The following GTF3C5 variants were observed in gnomAD, a reference collection of about 807,000 sequenced individuals.
GTF3C5 encodes the protein general transcription factor IIIC subunit 5.
Under a neutral mutation model 61.0 loss-of-function variants are expected in GTF3C5, and 47 were observed. The observed-to-expected ratio is 0.77, with a 90% confidence interval of 0.61 to 0.98. GTF3C5 has a LOEUF of 0.98. Ranked by LOEUF, GTF3C5 falls within the 50% of genes least tolerant of loss-of-function variation. The probability of loss-of-function intolerance (pLI) is 0.00; values close to 1 mark genes in which losing one functional copy is unlikely to be tolerated. For synonymous variants in GTF3C5, 295 were observed against 275.4 expected (o/e 1.07, Z -0.71); for missense variants, 659 against 703.3 (o/e 0.94, Z 0.71).
At chr9:133,044,667 C>T (rs186446428) in intron 3 of GTF3C5, among the ~76,000 whole-genome samples, 15 of 152,268 alleles carry the variant, frequency 9.9e-5, no homozygotes, top group Admixed American at 8.5e-4. Flanking sequence ...GGCTGGAGGT[C>T]GCTTCAGAGA....
chr9:133,049,172 G>C (rs1011539607), intron 3 of GTF3C5, among the ~76,000 whole-genome samples: 1 of 152,188 alleles, frequency 6.6e-6, no homozygotes, highest in African/African-American at 2.4e-5. Flanking sequence ...TAGAATCATG[G>C]TGACACAGAC....
intron 2 of GTF3C5, 47 bp from the exon 3 acceptor site, chr9:133,043,681 C>T: frequency 1.4e-6 from 2 of 1,475,978 alleles, no homozygotes; most frequent in Non-Finnish European, 1.9e-6. Context: ...GTGGCAGCTG[C>T]CCATTCCTGG....
At chr9:133,056,452 G>A (rs959898766) in intron 9 of GTF3C5, among the ~76,000 whole-genome samples, 7 of 152,210 alleles carry the variant, frequency 4.6e-5, no homozygotes, top group African/African-American at 1.7e-4. Flanking sequence ...CAGGGAAAGG[G>A]CACTCACTGG....
At chr9:133,051,966 A>G (rs966091197) in intron 4 of GTF3C5, 94 bp from the exon 5 acceptor site, 4 of 628,528 alleles carry the variant, frequency 6.4e-6, no homozygotes, top group Non-Finnish European at 1.1e-5. Context: ...TCCTCTCTGG[A>G]GGGGCCGCTG....
At chr9:133,038,748 C>T (rs1337053180) in intron 1 of GTF3C5, among the ~76,000 whole-genome samples, 3 of 152,000 alleles carry the variant, frequency 2.0e-5, no homozygotes, top group African/African-American at 4.8e-5. Flanking sequence ...TGAGCCACTG[C>T]GCCCGGCTCC....
chr9:133,050,675 C>A, intron 3 of GTF3C5, 108 bp from the exon 4 acceptor site: 1 of 742,496 alleles, frequency 1.3e-6, no homozygotes, highest in South Asian at 1.7e-5. Flanking sequence ...GAGAGGCACA[C>A]GGTGGCTGTG....
Position 133,043,877 on chromosome 9 carries a change from C to T in GTF3C5, c.523C>T (p.Arg175Trp), listed in dbSNP as rs144724577. ...CTACATCCCCCCACCCATCTTCTCC[C>T]GGCTGGACGCCCCGGTGGACTACTT... is the stretch of plus-strand genomic sequence containing the variant. Reference protein sequence around the residue: ...PLYIPPPIFSRLDAPVDYFYR... With the variant: ...PLYIPPPIFSWLDAPVDYFYR... The change falls in exon 3 of 11, where the codon CGG becomes TGG. Residue 175 changes from arginine to tryptophan, a missense_variant. Arg to Trp is a moderately radical substitution (Grantham distance 101). Coordinates refer to ENST00000372097, the MANE Select transcript of GTF3C5 (RefSeq NM_012087.4). 11 of 1,614,036 alleles carry T rather than the reference C, an allele frequency of 6.8e-6. No individual in the cohort carries two copies. Among genetic ancestry groups the T allele is most frequent in the East Asian group, 2.2e-5 (1 of 44,890 alleles).
chr9:133,030,930 T>C, upstream of GTF3C5: 1 of 1,496,340 alleles, frequency 6.7e-7, no homozygotes, highest in South Asian at 1.2e-5. Context: ...CCCGGAACGA[T>C]TCCTTCGCGG....
chr9:133,054,535 G>A (rs1249224880), intron 7 of GTF3C5, 47 bp downstream of exon 7: 2 of 1,574,348 alleles, frequency 1.3e-6, no homozygotes, highest in African/African-American at 1.3e-5. Flanking sequence ...ATTTGCCAAG[G>A]AAGGCGGGGC....
intron 4 of GTF3C5, 112 bp downstream of exon 4, chr9:133,051,090 C>A: frequency 1.3e-6 from 1 of 746,648 alleles, no homozygotes; most frequent in Non-Finnish European, 2.1e-6. Flanking sequence ...CTGACCTTTA[C>A]CCATTCCTTA....
At chr9:133,054,972 C>G (rs1407395934) in intron 8 of GTF3C5, 163 bp downstream of exon 8, 1 of 1,551,524 alleles carries the variant, frequency 6.4e-7, no homozygotes, top group Non-Finnish European at 8.7e-7. Context: ...AGGGTGAGAA[C>G]TCGGGTGCAA....
rs1296354369 is a variant in GTF3C5, at chr9:133,056,070, A to G, written c.1226A>G (p.Gln409Arg). 3 of 1,614,048 alleles carry G rather than the reference A, an allele frequency of 1.9e-6. No individual in the cohort carries two copies. The highest frequency in any genetic ancestry group is 2.2e-5 in the South Asian group (2 of 91,084). ...CCACCCTATCGGCAGATGTTCTACC[A>G]GTTATGCGACTTGAATGTGGAAGAG... ...ALPPYRQMFYQLCDLNVEELQ... is the reference protein window; with the variant it reads ...ALPPYRQMFYRLCDLNVEELQ... Residue 409 changes from glutamine to arginine, a missense_variant, in exon 9 of 11, where the codon CAG (glutamine) becomes CGG (arginine). Gln to Arg is a conservative substitution (Grantham distance 43). Transcript: ENST00000372097.
Position 133,057,935 on chromosome 9 carries a change from C to A in GTF3C5, c.1515C>A (p.Asp505Glu), listed in dbSNP as rs760048518. The change falls in exon 11 of 11, where the codon GAC becomes GAA. Residue 505 changes from aspartate to glutamate, a missense_variant. By Grantham distance (45) the Asp-to-Glu change is conservative. Transcript: ENST00000372097. Reference sequence around the variant, plus strand: ...AGGAGGAGGACTTCAAGCCATCCGACGGCAGTGAAAACGAAATGGAGACAG... The same window carrying A: ...AGGAGGAGGACTTCAAGCCATCCGAAGGCAGTGAAAACGAAATGGAGACAG... ...EEEEEDFKPS[D>E]GSENEMETEI... 3.7e-6 allele frequency: 6 copies of A among 1,613,964 alleles called. No homozygotes were observed. In the South Asian group the frequency reaches 5.5e-5, roughly 15 times the overall value.
At chr9:133,044,771 C>T (rs144710046) in intron 3 of GTF3C5, among the ~76,000 whole-genome samples, 5 of 152,286 alleles carry the variant, frequency 3.3e-5, no homozygotes, top group East Asian at 1.9e-4. Context: ...TTATGGACTG[C>T]GTCCCCTCCA....
At chr9:133,038,753 G>A (rs574519221) in intron 1 of GTF3C5, among the ~76,000 whole-genome samples, 1 of 151,896 alleles carries the variant, frequency 6.6e-6, no homozygotes, top group Non-Finnish European at 1.5e-5. Context: ...CACTGCGCCC[G>A]GCTCCTAGGG....
chr9:133,047,537 TG>T (rs1341392668), intron 3 of GTF3C5, among the ~76,000 whole-genome samples: 2 of 151,786 alleles, frequency 1.3e-5, no homozygotes, highest in Admixed American at 6.6e-5. Context: ...TTTTTTTTTT[TG>T]GAGACGGAAT....
chr9:133,054,643 C>A, intron 7 of GTF3C5, 69 bp from the exon 8 acceptor site: 1 of 1,452,578 alleles, frequency 6.9e-7, no homozygotes, highest in African/African-American at 1.4e-5. Flanking sequence ...GAGGGCAGGG[C>A]ATGGTGGTTG....
chr9:133,051,390 G>A (rs577684099), intron 4 of GTF3C5, among the ~76,000 whole-genome samples: 5 of 152,200 alleles, frequency 3.3e-5, no homozygotes, highest in African/African-American at 4.8e-5. Context: ...TGCGGGTGCC[G>A]TGGAGTCCTG....
intron 6 of GTF3C5, among the ~76,000 whole-genome samples, chr9:133,054,172 C>T (rs1829853776): frequency 6.6e-6 from 1 of 152,236 alleles, no homozygotes; most frequent in African/African-American, 2.4e-5. Context: ...CATTAAGTGA[C>T]TCCACGTGCC....
Sources: allele counts gnomAD v4.1 joint callset (sites outside exome capture counted in the v4.1 genomes callset), GRCh38; gene constraint gnomAD v4.1.1; transcripts MANE v1.5; gene names NCBI Gene and HGNC (gene_info 2026-07-23, HGNC 2026-07-21).